The following DOK4 variants were observed in gnomAD, a reference collection of about 807,000 sequenced individuals.
DOK4 encodes the protein downstream of tyrosine kinase 4.
In DOK4, 26 loss-of-function variants were observed where a neutral mutation model predicts 40.1. The observed-to-expected ratio is 0.65, with a 90% confidence interval of 0.48 to 0.90. The LOEUF (loss-of-function observed/expected upper bound fraction) is 0.90. DOK4 is among the 40% of genes least tolerant of loss of function. The pLI is 0.00. For synonymous variants in DOK4, 179 were observed against 177.0 expected (o/e 1.01, Z -0.09); for missense variants, 392 against 437.2 (o/e 0.90, Z 0.92).
chr16:57,478,708 TG>T (rs2031294365), intron 2 of DOK4: 1 of 152,772 alleles, frequency 6.5e-6, no homozygotes, highest in South Asian at 2.1e-4. Flanking sequence ...ACCTCTTCTC[TG>T]TAGCCCCTCC....
chr16:57,475,382 C>A, intron 4 of DOK4, 124 bp downstream of exon 4: 1 of 1,374,926 alleles, frequency 7.3e-7, no homozygotes, highest in South Asian at 1.3e-5. Context: ...AAAGCACCCC[C>A]AACCCCACAC....
intron 1 of DOK4, chr16:57,481,458 A>G (rs2031406568): frequency 6.6e-6 from 1 of 152,234 alleles, no homozygotes; most frequent in Non-Finnish European, 1.5e-5. Flanking sequence ...CAGCTCTGCT[A>G]CACCTGGGCT....
rs1035640597 is a variant in DOK4, at chr16:57,473,316, A to G, written c.*61T>C. ...AGCCCCCTGAGGCTGTCCACGGTAC[A>G]CTGCAGCCAGCCCCGCAGCAGGCAG... On this transcript the variant is annotated 3_prime_UTR_variant, in exon 9 of 9. Transcript: ENST00000340099. The G allele has an allele frequency of 6.1e-5, 95 of 1,562,826 alleles. 1 individual carries two copies. The South Asian group carries it at 1.1e-3, about 18-fold the overall frequency.
exon 7 of DOK4, chr16:57,473,944 T>G (rs1476775952): frequency 2.5e-6 from 4 of 1,609,990 alleles, no homozygotes; most frequent in Admixed American, 1.7e-5. Context: ...CTTGTGCTGC[T>G]CTGCGATGGC....
chr16:57,482,144 G>A (rs535244857), intron 1 of DOK4, among the ~76,000 whole-genome samples: 9 of 152,020 alleles, frequency 5.9e-5, no homozygotes, highest in East Asian at 2.0e-4. Context: ...GATTACAGGC[G>A]TGAGCCACTG....
rs200653353 is a variant in DOK4, at chr16:57,473,361, C to G, written c.*16G>C. 6 of 1,607,492 alleles carry G rather than the reference C, an allele frequency of 3.7e-6. No homozygotes were observed. The African/African-American group carries it at 5.3e-5, about 14-fold the overall frequency. ...AGGCAGCCCCCAGCAGTCATCGGTG[C>G]TCGCCAGCACTGTGGTCACTGGGAT... On this transcript the variant is annotated 3_prime_UTR_variant, in exon 9 of 9. Coordinates refer to ENST00000340099, the Ensembl canonical transcript of DOK4.
rs1000699086 is a variant in DOK4 at position 57,485,290 on chromosome 16, G to A, written c.-182+1015C>T. ...CCCACCTTGGCCAGGGTTGTGGGGT[G>A]AGGTCATGCCCAGCCCTGCTGCCCT... On this transcript the variant is annotated intron_variant, in intron 1 of 8. Coordinates refer to ENST00000340099, the Ensembl canonical transcript of DOK4. The surrounding 1 kb of genome is among the most constrained non-coding windows in gnomAD (Gnocchi z 4.3). Among the ~76,000 whole-genome samples, 1 of 152,228 alleles carries A rather than the reference G, an allele frequency of 6.6e-6. No homozygotes were observed. The highest frequency in any genetic ancestry group is 1.5e-5 in the Non-Finnish European group (1 of 68,038).
In DOK4 at chr16:57,474,781, A is replaced by G; in HGVS notation, c.599+12T>C. On this transcript the variant is annotated intron_variant, in intron 6 of 8. Coordinates refer to ENST00000340099, the Ensembl canonical transcript of DOK4. ...CATAGTAGGACAGGGCTGGGAGGCGAGAGGGTCCTACCGGCCAGCCTCGAA... is the reference window on the plus strand; with the variant it reads ...CATAGTAGGACAGGGCTGGGAGGCGGGAGGGTCCTACCGGCCAGCCTCGAA... 6.2e-7 allele frequency: 1 copy of G among 1,612,734 alleles called. No individual in the cohort carries two copies. The highest frequency in any genetic ancestry group is 8.5e-7 in the Non-Finnish European group (1 of 1,179,696).
rs1441780420 is a variant in DOK4, at chr16:57,473,532, G to C, written c.863-37C>G. The C allele has an allele frequency of 3.7e-6, 6 of 1,614,112 alleles. No homozygotes were observed. The Admixed American group carries it at 6.7e-5, about 18-fold the overall frequency. ...GAAGCAGGCTCAGAACTCAGAGCTA[G>C]GTCAAAAGACCCCTGCCCAATAGGC... On this transcript the variant is annotated intron_variant, in intron 8 of 8. Coordinates refer to ENST00000340099, the Ensembl canonical transcript of DOK4.
rs569780539 is a variant in DOK4, at chr16:57,474,826, C to T, written c.566G>A (p.Arg189Gln). The T allele has an allele frequency of 9.9e-6, 16 of 1,614,056 alleles. No homozygotes were observed. The highest frequency in any genetic ancestry group is 2.2e-5 in the East Asian group (1 of 44,874). ...CTCGAAGGTAAAGCGTGTGGCATCC[C>T]GGCCATAGCGGCGCAGTGAGCAGAG... Residue 189 changes from arginine (R) to glutamine (Q), a missense_variant, in exon 6 of 9, where the codon CGG (arginine) becomes CAG (glutamine). Arg to Gln is a conservative substitution (Grantham distance 43, BLOSUM62 1). Transcript: ENST00000340099.
At chr16:57,482,032 T>C (rs2031424932) in intron 1 of DOK4, among the ~76,000 whole-genome samples, 1 of 151,894 alleles carries the variant, frequency 6.6e-6, no homozygotes, top group Non-Finnish European at 1.5e-5. Context: ...GCTCGGCTAA[T>C]TTTCGGTATT....
At chr16:57,472,816 T>G (rs2030924092) in exon 9 of DOK4, 1 of 153,736 alleles carries the variant, frequency 6.5e-6, no homozygotes, top group Admixed American at 6.5e-5. Flanking sequence ...ACAGAGGAAG[T>G]GCAGATCCTT....
chr16:57,474,625 T>G, intron 6 of DOK4, 168 bp downstream of exon 6: 1 of 880,602 alleles, frequency 1.1e-6, no homozygotes, highest in Non-Finnish European at 1.7e-6. Context: ...GTTACTCCTC[T>G]AAGCCTCCAT....
intron 1 of DOK4, 89 bp downstream of exon 1, chr16:57,486,216 T>A (rs572404239): frequency 6.6e-6 from 1 of 152,208 alleles, no homozygotes; most frequent in South Asian, 2.1e-4. Flanking sequence ...AGGAAGTGAC[T>A]GAGGGTCCTC....
In DOK4 at chr16:57,479,010, G is replaced by A. The variant is rs1018250115; in HGVS notation, c.66+432C>T. ...GGATGACCTAAAAGAAAAGAGGCCA[G>A]GAGAGGTGAGGGGAGGCCGGGGGTG... On this transcript the variant is annotated intron_variant, in intron 2 of 8. Transcript: ENST00000340099. This position sits in a 1 kb window ranked among gnomAD's most constrained non-coding sequence, Gnocchi z 5.8. 6.6e-6 allele frequency among the ~76,000 whole-genome samples: 1 copy of A among 152,210 alleles called. No homozygotes were observed. Among genetic ancestry groups the A allele is most frequent in the African/African-American group, 2.4e-5 (1 of 41,444 alleles).
At chr16:57,474,177 G>T in intron 6 of DOK4, 138 bp from the exon 7 acceptor site, 1 of 1,127,462 alleles carries the variant, frequency 8.9e-7, no homozygotes, top group Non-Finnish European at 1.3e-6. Flanking sequence ...CTGGGGGTCC[G>T]ACCACACGGT....
chr16:57,478,322 G>A (rs1480272321), intron 2 of DOK4, among the ~76,000 whole-genome samples: 2 of 152,078 alleles, frequency 1.3e-5, no homozygotes, highest in East Asian at 3.9e-4. Context: ...CTGGTACCCA[G>A]GTAGGGAAGC....
In DOK4 at chr16:57,479,964, G is replaced by A. The variant is rs116632117; in HGVS notation, c.-181-276C>T. On this transcript the variant is annotated intron_variant, in intron 1 of 8. Transcript: ENST00000340099. This position sits in a 1 kb window ranked among gnomAD's most constrained non-coding sequence, Gnocchi z 5.8. ...AGTTAACCCCTTCCTGGGAGGACTG[G>A]CTCTGGCTCCTACTGTGGAGGTGGG... 8.4e-3 allele frequency: 1,321 copies of A among 157,296 alleles called. 23 individuals are homozygous for A. The highest frequency in any genetic ancestry group is 0.03 in the African/African-American group (1,255 of 41,690). The allele number at this position is 157,296 out of a possible 1,614,324, so 9.7% of individuals were successfully genotyped here.
intron 2 of DOK4, among the ~76,000 whole-genome samples, chr16:57,478,004 C>T (rs547038498): frequency 2.0e-5 from 3 of 152,360 alleles, no homozygotes; most frequent in Non-Finnish European, 4.4e-5. Context: ...TGGTGCCTTC[C>T]TGGCACACTC....
Sources: allele counts gnomAD v4.1 joint callset (sites outside exome capture counted in the v4.1 genomes callset), GRCh38; gene constraint gnomAD v4.1.1; non-coding constraint Gnocchi (gnomAD v3.1); transcripts MANE v1.5; gene names NCBI Gene and HGNC (gene_info 2026-07-23, HGNC 2026-07-21).